The following TRHDE variants were observed in gnomAD, a reference collection of about 807,000 sequenced individuals.
TRHDE encodes thyrotropin-releasing hormone-degrading ectoenzyme.
In TRHDE, 72 loss-of-function variants were observed where a neutral mutation model predicts 125.7. That is an observed-to-expected ratio of 0.57 (90% CI 0.47 to 0.70). The LOEUF (loss-of-function observed/expected upper bound fraction) is 0.70. Ranked by LOEUF, TRHDE falls within the 30% of genes least tolerant of loss-of-function variation. The pLI is 0.00. For synonymous variants in TRHDE, 509 were observed against 509.1 expected, an observed-to-expected ratio of 1.00 and a Z score of 0.00; for missense variants, 1,110 against 1,327.1, an observed-to-expected ratio of 0.84 and a Z score of 2.54.
At chr12:72,496,470 C>G (rs188195573) in intron 5 of TRHDE, among the ~76,000 whole-genome samples, 1 of 152,064 alleles carries the variant, frequency 6.6e-6, no homozygotes, top group African/African-American at 2.4e-5. Context: ...TTTATAAAAC[C>G]GTCAGATCTC....
Position 72,667,581 on chromosome 12 carries a change from G to A in TRHDE, c.*4386G>A, listed in dbSNP as rs1384543770. On this transcript the variant is annotated 3_prime_UTR_variant, in exon 19 of 19. Coordinates refer to ENST00000261180, the MANE Select transcript of TRHDE (RefSeq NM_013381.3). ...AAAAGAAAAAGAAATAATGAACCAAGGGAATGAGGGCAACAGGAAAAATAA... is the reference window on the plus strand; with the variant it reads ...AAAAGAAAAAGAAATAATGAACCAAAGGAATGAGGGCAACAGGAAAAATAA... 1 of 151,604 alleles carries A rather than the reference G, an allele frequency of 6.6e-6. No individual in the cohort carries two copies. The highest frequency in any genetic ancestry group is 1.5e-5 in the Non-Finnish European group (1 of 67,722). The allele number at this position is 151,604 out of a possible 1,614,324, so 9.4% of individuals were successfully genotyped here. A position where few individuals can be genotyped will look rare whatever the true frequency, so the allele number is the denominator to read the frequency against.
At chr12:72,512,454 TTATAA>T (rs1483888102) in intron 6 of TRHDE, among the ~76,000 whole-genome samples, 34 of 139,324 alleles carry the variant, frequency 2.4e-4, no homozygotes, top group South Asian at 4.3e-4. Context: ...AATTATATAA[TTATAA>T]TATATTATAT....
chr12:72,408,772 C>G (rs1873371601), intron 3 of TRHDE, among the ~76,000 whole-genome samples: 1 of 152,080 alleles, frequency 6.6e-6, no homozygotes, highest in Non-Finnish European at 1.5e-5. Flanking sequence ...ATAGATGAAT[C>G]AGCCAGAATA....
At chr12:72,202,047 G>A (rs971544838) in intron 2 of TRHDE, among the ~76,000 whole-genome samples, 3 of 152,200 alleles carry the variant, frequency 2.0e-5, no homozygotes, top group African/African-American at 7.2e-5. Context: ...GGCCTCAACA[G>A]TACTGTCTCT....
intron 15 of TRHDE, among the ~76,000 whole-genome samples, chr12:72,633,354 C>T (rs576462355): frequency 7.1e-4 from 108 of 152,160 alleles, no homozygotes; most frequent in African/African-American, 2.6e-3. Context: ...CATTTTAGAA[C>T]ATATTCAGAT....
intron 2 of TRHDE, among the ~76,000 whole-genome samples, chr12:72,174,734 T>A (rs994671603): frequency 2.4e-4 from 37 of 152,360 alleles, no homozygotes; most frequent in African/African-American, 8.4e-4. Flanking sequence ...AATGATCCTA[T>A]GTCCTTCTTA....
Position 72,429,338 on chromosome 12 carries a change from C to CATAATAATAATA in TRHDE, c.1316-40396_1316-40385dup, listed in dbSNP as rs57170664. 1.4e-3 allele frequency among the ~76,000 whole-genome samples: 195 copies of CATAATAATAATA among 143,392 alleles called. 2 individuals are homozygous for CATAATAATAATA. Among genetic ancestry groups the CATAATAATAATA allele is most frequent in the African/African-American group, 1.9e-3 (72 of 38,814 alleles). The allele number at this position is 143,392 out of a possible 152,430, so 94.1% of individuals were successfully genotyped here. On this transcript the variant is annotated intron_variant, in intron 3 of 18. Coordinates refer to ENST00000261180, the MANE Select transcript of TRHDE (RefSeq NM_013381.3). The stretch of plus-strand genomic sequence containing the variant: ...TGCACACGTAACCCAGAATTTAAAG[C>CATAATAATAATA]ATAATAATAATAATAATAATAATAA...
chr12:72,112,429 TATG>T (rs1875337619), intron 2 of TRHDE, among the ~76,000 whole-genome samples: 1 of 152,190 alleles, frequency 6.6e-6, no homozygotes, highest in African/African-American at 2.4e-5. Context: ...TGCTTTAAAA[TATG>T]TGTACACTCA....
intron 3 of TRHDE, among the ~76,000 whole-genome samples, chr12:72,453,707 G>A (rs577958151): frequency 2.0e-5 from 3 of 152,326 alleles, no homozygotes; most frequent in South Asian, 4.1e-4. Flanking sequence ...AGGACAGAAT[G>A]GCTTCCTGAG....
intron 2 of TRHDE, among the ~76,000 whole-genome samples, chr12:72,376,614 A>G (rs1386701069): frequency 1.3e-5 from 2 of 152,220 alleles, no homozygotes; most frequent in Non-Finnish European, 2.9e-5. Context: ...AACTTACTGC[A>G]TTGCAGGTCT....
In TRHDE at chr12:72,273,464, G is replaced by C; in HGVS notation, c.821G>C (p.Arg274Thr). 6.2e-7 allele frequency: 1 copy of C among 1,613,950 alleles called. No homozygotes were observed. Reference sequence around the variant, plus strand: ...CTGAATAGGACACTGGACGCGCAGAGGAATTACAATCTGAAGATTATCTAC... The same window carrying C: ...CTGAATAGGACACTGGACGCGCAGACGAATTACAATCTGAAGATTATCTAC... ...VVLNRTLDAQ[R>T]NYNLKIIYNA... The change falls in exon 1 of 19, where the codon AGG (arginine) becomes ACG (threonine). Residue 274 changes from arginine (R) to threonine (T), a missense_variant. Arg to Thr is a moderately conservative substitution (Grantham distance 71). Coordinates refer to ENST00000261180, the MANE Select transcript of TRHDE (RefSeq NM_013381.3). This position sits in a 1 kb window ranked among gnomAD's most constrained non-coding sequence, Gnocchi z 5.3.
intron 2 of TRHDE, among the ~76,000 whole-genome samples, chr12:72,142,644 G>A (rs975671651): frequency 6.6e-6 from 1 of 151,988 alleles, no homozygotes; most frequent in Non-Finnish European, 1.5e-5. Context: ...TTGCCTTTTG[G>A]CCCACCATGG....
intron 2 of TRHDE, among the ~76,000 whole-genome samples, chr12:72,295,009 C>T (rs1880233873): frequency 6.6e-6 from 1 of 151,924 alleles, no homozygotes; most frequent in South Asian, 2.1e-4. Flanking sequence ...GCAGGCATTT[C>T]TGAGCCTGCA....
intron 2 of TRHDE, among the ~76,000 whole-genome samples, chr12:72,244,517 A>G (rs1878538799): frequency 6.6e-6 from 1 of 151,684 alleles, no homozygotes; most frequent in South Asian, 2.1e-4. Flanking sequence ...ATTCCCAATA[A>G]AATTTTACTT....
chr12:72,388,050 C>A (rs1872500099), intron 3 of TRHDE, among the ~76,000 whole-genome samples: 1 of 152,008 alleles, frequency 6.6e-6, no homozygotes. Context: ...CCTCTAATCT[C>A]ATTTATTTCC....
At chr12:72,268,144 A>G (rs564350268), upstream of TRHDE, among the ~76,000 whole-genome samples, 1 of 152,270 alleles carries the variant, frequency 6.6e-6, no homozygotes, top group South Asian at 2.1e-4. Flanking sequence ...GCTGCTAAAC[A>G]GAAACTTCAC....
intron 2 of TRHDE, among the ~76,000 whole-genome samples, chr12:72,187,495 G>T (rs1877249001): frequency 6.7e-6 from 1 of 149,666 alleles, no homozygotes; most frequent in African/African-American, 2.4e-5. Flanking sequence ...TGGTGGTGGT[G>T]GTGGTGGTGG....
At chr12:72,232,318 T>C (rs139005343) in intron 2 of TRHDE, among the ~76,000 whole-genome samples, 3 of 152,294 alleles carry the variant, frequency 2.0e-5, no homozygotes, top group Non-Finnish European at 4.4e-5. Context: ...CTCTGGCCTA[T>C]AGAGGTGGTC....
chr12:72,222,007 C>T (rs1878010782), intron 2 of TRHDE, among the ~76,000 whole-genome samples: 1 of 152,050 alleles, frequency 6.6e-6, no homozygotes, highest in South Asian at 2.1e-4. Flanking sequence ...TTTGGGCTGC[C>T]TCACAATGTG....
Sources: allele counts gnomAD v4.1 joint callset (sites outside exome capture counted in the v4.1 genomes callset), GRCh38; gene constraint gnomAD v4.1.1; non-coding constraint Gnocchi (gnomAD v3.1); transcripts MANE v1.5; gene names NCBI Gene and HGNC (gene_info 2026-07-23, HGNC 2026-07-21).